MAP4: variants seen among roughly 807,000 people sequenced by gnomAD.
The protein encoded by MAP4 is microtubule associated protein 4, also known as microtubule-associated protein 4.
Under a neutral mutation model 170.2 loss-of-function variants are expected in MAP4, and 76 were observed. The observed-to-expected ratio is 0.45, with a 90% confidence interval of 0.37 to 0.54. MAP4 has a LOEUF of 0.54. Ranked by LOEUF, MAP4 falls within the 20% of genes least tolerant of loss-of-function variation. The pLI is 0.00. For missense variants in MAP4, 2,506 were observed against 2,748.0 expected, an observed-to-expected ratio of 0.91 and a Z score of 1.97; for synonymous variants, 909 against 994.5, an observed-to-expected ratio of 0.91 and a Z score of 1.62.
chr3:47,907,256 T>C (rs967908087), intron 9 of MAP4, among the ~76,000 whole-genome samples: 18 of 152,356 alleles, frequency 1.2e-4, no homozygotes, highest in African/African-American at 4.1e-4. Flanking sequence ...TATTACTTAT[T>C]ATACATAAAT....
At chr3:47,894,640 T>C (rs1226492969) in intron 10 of MAP4, among the ~76,000 whole-genome samples, 1 of 152,056 alleles carries the variant, frequency 6.6e-6, no homozygotes, top group Non-Finnish European at 1.5e-5. Flanking sequence ...AAGGCCTTGG[T>C]AATACAACAT....
chr3:47,866,119 A>G (rs2079189781), intron 17 of MAP4, among the ~76,000 whole-genome samples: 1 of 152,146 alleles, frequency 6.6e-6, no homozygotes, highest in South Asian at 2.1e-4. Flanking sequence ...CGGGCAGATC[A>G]CAAGGTCAGG....
In MAP4 at chr3:47,855,957, C is replaced by T. The variant is rs1048630996; in HGVS notation, c.6584-597G>A. ...AATAATAAAAAGGACAGAGTGGCCC[C>T]GAGGCTGTGCGCTGAGGAAGGAAAG... On this transcript the variant is annotated intron_variant, in intron 18 of 20. Transcript: ENST00000683076. The surrounding 1 kb of genome is among the most constrained non-coding windows in gnomAD (Gnocchi z 5.1). 2.6e-5 allele frequency among the ~76,000 whole-genome samples: 4 copies of T among 152,242 alleles called. No individual in the cohort carries two copies. The highest frequency in any genetic ancestry group is 4.4e-5 in the Non-Finnish European group (3 of 68,018).
intron 1 of MAP4, among the ~76,000 whole-genome samples, chr3:48,040,363 GGT>G (rs1288001692): frequency 6.6e-6 from 1 of 151,976 alleles, no homozygotes; most frequent in African/African-American, 2.4e-5. Context: ...CCGCCTCCTG[GGT>G]TCAGGCCATT....
chr3:48,017,820 T>A (rs531651772), upstream of MAP4, among the ~76,000 whole-genome samples: 15 of 152,288 alleles, frequency 9.8e-5, no homozygotes, highest in African/African-American at 3.6e-4. Flanking sequence ...CTTGTAACAG[T>A]AGAGTCTGAT....
chr3:47,940,635 A>G (rs949483689), intron 3 of MAP4, among the ~76,000 whole-genome samples: 3 of 152,192 alleles, frequency 2.0e-5, no homozygotes, highest in African/African-American at 7.2e-5. Flanking sequence ...TTAAAGTACT[A>G]ATTAAACAAG....
chr3:47,894,826 G>A (rs1485144740), intron 10 of MAP4, among the ~76,000 whole-genome samples: 10 of 151,718 alleles, frequency 6.6e-5, no homozygotes, highest in Admixed American at 3.3e-4. Flanking sequence ...AGGAGTTTGA[G>A]ACCAGCCTGG....
chr3:48,003,103 G>A (rs1208836809), intron 1 of MAP4, among the ~76,000 whole-genome samples: 3 of 151,960 alleles, frequency 2.0e-5, no homozygotes, highest in East Asian at 1.9e-4. Context: ...AGAAAGACAC[G>A]CACTGAGAGA....
chr3:47,918,979 C>CA, intron 5 of MAP4, 138 bp from the exon 6 acceptor site: 1 of 611,586 alleles, frequency 1.6e-6, no homozygotes, highest in Non-Finnish European at 2.7e-6. Context: ...CCCACGCAGA[C>CA]AGAGTGAAGT....
intron 2 of MAP4, among the ~76,000 whole-genome samples, chr3:47,996,714 T>C (rs993349089): frequency 5.5e-5 from 8 of 146,056 alleles, no homozygotes; most frequent in African/African-American, 1.3e-4. Context: ...ACATGTGAGA[T>C]CCAGCATTCA....
At chr3:47,943,427 T>C (rs2100057744) in intron 3 of MAP4, among the ~76,000 whole-genome samples, 1 of 152,048 alleles carries the variant, frequency 6.6e-6, no homozygotes, top group Admixed American at 6.6e-5. Flanking sequence ...GTCTGACCCA[T>C]GTGGTGAAAC....
At chr3:47,936,980 C>CAAAAAAAAAAAAAAAAAAAAAA (rs10711611) in intron 3 of MAP4, among the ~76,000 whole-genome samples, 1 of 94,406 alleles carries the variant, frequency 1.1e-5, no homozygotes. Context: ...AACTCCGTCT[C>CAAAAAAAAAAAAAAAAAAAAAA]AAAAAAAAAA....
At chr3:47,869,427 G>C (rs1432589934) in intron 15 of MAP4, 100 bp from the exon 16 acceptor site, 1 of 776,942 alleles carries the variant, frequency 1.3e-6, no homozygotes, top group Admixed American at 2.1e-5. Context: ...TCCAGGTCAG[G>C]CCACCAGGCA....
At chr3:47,950,872 T>G (rs2100063273) in intron 3 of MAP4, among the ~76,000 whole-genome samples, 2 of 152,228 alleles carry the variant, frequency 1.3e-5, no homozygotes, top group African/African-American at 2.4e-5. Context: ...TGAGTTGGTC[T>G]TGTAGAAAAT....
intron 2 of MAP4, among the ~76,000 whole-genome samples, chr3:47,996,735 A>AACAC (rs1335856198): frequency 1.2e-5 from 1 of 80,592 alleles, no homozygotes; most frequent in Admixed American, 1.5e-4. Flanking sequence ...ATCAAAAACT[A>AACAC]AGACACACAC....
intron 10 of MAP4, chr3:47,891,461 G>T: frequency 6.5e-7 from 1 of 1,527,976 alleles, no homozygotes; most frequent in African/African-American, 1.4e-5. Flanking sequence ...TTTCCCAGGT[G>T]TAGGACTAGG....
intron 9 of MAP4, among the ~76,000 whole-genome samples, chr3:47,906,987 C>A (rs1316414468): frequency 2.0e-5 from 3 of 151,940 alleles, no homozygotes; most frequent in Non-Finnish European, 4.4e-5. Flanking sequence ...AGGCATGCAC[C>A]ACCACACCCA....
intron 1 of MAP4, among the ~76,000 whole-genome samples, chr3:48,059,799 G>A (rs908327850): frequency 1.3e-5 from 2 of 151,902 alleles, no homozygotes; most frequent in Non-Finnish European, 2.9e-5. Flanking sequence ...GGGGCAACAT[G>A]GTGAAACCCC....
intron 3 of MAP4, among the ~76,000 whole-genome samples, chr3:47,937,453 T>C (rs1403420051): frequency 2.0e-5 from 3 of 152,126 alleles, no homozygotes; most frequent in African/African-American, 7.2e-5. Context: ...AAGCAATATG[T>C]TTTTTCATAG....
Sources: allele counts gnomAD v4.1 joint callset (sites outside exome capture counted in the v4.1 genomes callset), GRCh38; gene constraint gnomAD v4.1.1; non-coding constraint Gnocchi (gnomAD v3.1); transcripts MANE v1.5; gene names NCBI Gene and HGNC (gene_info 2026-07-23, HGNC 2026-07-21).